The following ZEB1 variants were observed in gnomAD, a reference collection of about 807,000 sequenced individuals.
ZEB1 encodes the protein zinc finger E-box-binding homeobox 1.
A neutral mutation model predicts 84.9 loss-of-function variants in ZEB1; 21 were observed. The ratio of observed to expected loss-of-function variants is 0.25; its 90% CI spans 0.18 to 0.36. The LOEUF is 0.36. ZEB1 is among the 10% of genes least tolerant of loss of function. The probability of loss-of-function intolerance (pLI) is 1.00; values close to 1 mark genes in which losing one functional copy is unlikely to be tolerated. For missense variants in ZEB1, 1,104 were observed against 1,330.2 expected (o/e 0.83, Z 2.65); for synonymous variants, 420 against 471.1 (o/e 0.89, Z 1.41).
chr10:31,396,814 T>G (rs933186877), intron 1 of ZEB1, among the ~76,000 whole-genome samples: 3 of 152,130 alleles, frequency 2.0e-5, no homozygotes, highest in African/African-American at 4.8e-5. Context: ...TTAGTGTGCT[T>G]TTAAGTTAAG....
intron 2 of ZEB1, among the ~76,000 whole-genome samples, chr10:31,494,765 A>G (rs966967222): frequency 1.3e-5 from 2 of 152,046 alleles, no homozygotes; most frequent in Non-Finnish European, 2.9e-5. Context: ...AATAAATAAA[A>G]TGTACCTGAA....
At chr10:31,397,197 T>TATTATTATG (rs1350944178) in intron 1 of ZEB1, among the ~76,000 whole-genome samples, 4 of 132,038 alleles carry the variant, frequency 3.0e-5, no homozygotes, top group Non-Finnish European at 6.8e-5. Flanking sequence ...TTATTATTAT[T>TATTATTATG]ATTATACTTT....
Position 31,495,986 on chromosome 10 carries a change from G to A in ZEB1, c.322+148G>A, listed in dbSNP as rs2067175788. The A allele has an allele frequency of 3.8e-6, 3 of 786,080 alleles. No homozygotes were observed. In the African/African-American group the frequency reaches 5.2e-5, roughly 14 times the overall value. 48.7% of individuals were successfully genotyped at this position (786,080 alleles called of 1,614,324 possible). A position where few individuals can be genotyped will look rare whatever the true frequency, so the allele number is the denominator to read the frequency against. On this transcript the variant is annotated intron_variant, in intron 3 of 8. Coordinates refer to ENST00000424869, the MANE Select transcript of ZEB1 (RefSeq NM_001174096.2). ...ATGTTTAAGTACTTAGGCATATGGT[G>A]CACTACATAAAAAGAAGTAAATATT...
At chr10:31,392,405 T>G (rs995077839) in intron 1 of ZEB1, among the ~76,000 whole-genome samples, 2 of 152,148 alleles carry the variant, frequency 1.3e-5, no homozygotes, top group Non-Finnish European at 2.9e-5. Context: ...TTGGGACAGT[T>G]TTAGGTTCTG....
At chr10:31,417,142 T>C (rs57879647) in intron 1 of ZEB1, among the ~76,000 whole-genome samples, 7,912 of 152,234 alleles carry the variant, frequency 0.052, 595 homozygotes, top group East Asian at 0.18. Flanking sequence ...CTAGGACTTA[T>C]AGTCCCCAGT....
intron 1 of ZEB1, among the ~76,000 whole-genome samples, chr10:31,452,303 G>A (rs2060651397): frequency 6.6e-6 from 1 of 151,880 alleles, no homozygotes; most frequent in African/African-American, 2.4e-5. Flanking sequence ...CATTACATTT[G>A]TATATTACAT....
intron 1 of ZEB1, among the ~76,000 whole-genome samples, chr10:31,431,769 G>A (rs1182737575): frequency 6.6e-6 from 1 of 152,142 alleles, no homozygotes; most frequent in East Asian, 1.9e-4. Context: ...TCAATCAGAT[G>A]TACAGAACTC....
chr10:31,347,174 T>C (rs984472047), intron 1 of ZEB1, among the ~76,000 whole-genome samples: 7 of 152,146 alleles, frequency 4.6e-5, no homozygotes, highest in African/African-American at 1.4e-4. Flanking sequence ...AGAAAATGAA[T>C]TGTGCAATGC....
intron 1 of ZEB1, chr10:31,361,163 T>C: frequency 6.2e-7 from 1 of 1,611,996 alleles, no homozygotes; most frequent in Non-Finnish European, 8.5e-7. Flanking sequence ...GAACCTCTTG[T>C]TCCTCCTGTC....
chr10:31,521,729 C>T lies in ZEB1; in HGVS notation c.2397C>T (p.Asn799=). Residue 799 remains asparagine (N), a synonymous_variant, in exon 7 of 9, where the codon AAC becomes AAT. Transcript: ENST00000424869. Reference sequence around the variant, plus strand: ...TAAATGTAATCCCACCAAGTGCCAACCCCATAAATATCGCTATACCTACAG... The same window carrying T: ...TAAATGTAATCCCACCAAGTGCCAATCCCATAAATATCGCTATACCTACAG... ...PVVNVIPPSA[N]PINIAIPTVT... is the part of the protein sequence containing the mutation. 1 of 1,614,140 alleles carries T rather than the reference C, an allele frequency of 6.2e-7. No homozygotes were observed. The highest frequency in any genetic ancestry group is 1.7e-4 in the Middle Eastern group (1 of 6,060).
Position 31,436,475 on chromosome 10 carries a change from G to A in ZEB1, c.59-24562G>A, listed in dbSNP as rs375749653. Among the ~76,000 whole-genome samples, 328 of 152,144 alleles carry A rather than the reference G, an allele frequency of 2.2e-3. 1 individual carries two copies. Among genetic ancestry groups the A allele is most frequent in the African/African-American group, 7.6e-3 (317 of 41,510 alleles). ...CTTTGGAGAGACAGCACAGTAACCT[G>A]TTCAGAGCATGTCCGGAGCCACATG... On this transcript the variant is annotated intron_variant, in intron 1 of 8. Transcript: ENST00000424869.
At chr10:31,358,850 CT>C (rs1353715815) in intron 1 of ZEB1, among the ~76,000 whole-genome samples, 41 of 152,276 alleles carry the variant, frequency 2.7e-4, no homozygotes, top group South Asian at 2.1e-3. Flanking sequence ...ATTTTAGTAT[CT>C]GGGTCACATA....
At position 31,457,425 on chromosome 10, in the gene ZEB1, C is replaced by T. The variant is rs146204772; in HGVS notation, c.59-3612C>T. 3.5e-3 allele frequency among the ~76,000 whole-genome samples: 536 copies of T among 152,066 alleles called. 6 individuals are homozygous for T. The highest frequency in any genetic ancestry group is 0.017 in the Middle Eastern group (5 of 294). Reference sequence around the variant, plus strand: ...GCAGTTTTCACTGTTTTTTTTCTCTCAGCTAAGTGACAGAAGCAAAAGACA... The same window carrying T: ...GCAGTTTTCACTGTTTTTTTTCTCTTAGCTAAGTGACAGAAGCAAAAGACA... On this transcript the variant is annotated intron_variant, in intron 1 of 8. Coordinates refer to ENST00000424869, the MANE Select transcript of ZEB1 (RefSeq NM_001174096.2).
At chr10:31,438,061 T>C (rs1329208327) in intron 1 of ZEB1, among the ~76,000 whole-genome samples, 1 of 152,162 alleles carries the variant, frequency 6.6e-6, no homozygotes, top group African/African-American at 2.4e-5. Context: ...GACTGTGTGT[T>C]TGGGTGTATG....
chr10:31,433,706 C>T, intron 1 of ZEB1, among the ~76,000 whole-genome samples: 1 of 152,264 alleles, frequency 6.6e-6, no homozygotes, highest in East Asian at 1.9e-4. Flanking sequence ...GTAATTTTTA[C>T]TACTTCATCA....
chr10:31,439,817 G>A (rs748313792), intron 1 of ZEB1, among the ~76,000 whole-genome samples: 2 of 152,138 alleles, frequency 1.3e-5, no homozygotes, highest in Non-Finnish European at 2.9e-5. Flanking sequence ...GGGTAAAGTA[G>A]AAGACAAAGT....
intron 1 of ZEB1, among the ~76,000 whole-genome samples, chr10:31,344,427 G>A (rs2039944157): frequency 6.6e-6 from 1 of 151,926 alleles, no homozygotes; most frequent in Non-Finnish European, 1.5e-5. Flanking sequence ...AAGATTTAAT[G>A]TCAACTTTAC....
chr10:31,341,495 A>G (rs939995378), intron 1 of ZEB1, among the ~76,000 whole-genome samples: 1 of 152,222 alleles, frequency 6.6e-6, no homozygotes, highest in East Asian at 1.9e-4. Flanking sequence ...TCAGTTTTGG[A>G]TATTTTGAGT....
At chr10:31,366,655 TCC>T (rs2044562255) in intron 1 of ZEB1, among the ~76,000 whole-genome samples, 1 of 152,240 alleles carries the variant, frequency 6.6e-6, no homozygotes, top group Non-Finnish European at 1.5e-5. Context: ...CTGTAGTACT[TCC>T]AAGTTTCTGC....
Sources: gnomAD v4.1 joint callset for allele counts (sites outside exome capture counted in the v4.1 genomes callset) on GRCh38, gnomAD v4.1.1 for gene constraint, MANE v1.5 for transcripts, NCBI Gene and HGNC (gene_info 2026-07-23, HGNC 2026-07-21) for gene names.